ITGAX: variants seen among roughly 807,000 people sequenced by gnomAD.
ITGAX encodes integrin alpha-X.
In ITGAX, 99 loss-of-function variants were observed where a neutral mutation model predicts 140.2. The ratio of observed to expected loss-of-function variants is 0.71; its 90% CI spans 0.60 to 0.83. The LOEUF is 0.83. Among genes scored for constraint, ITGAX ranks in the 40% least tolerant of loss-of-function variants. The pLI is 0.00. For synonymous variants in ITGAX, 631 were observed against 600.4 expected (o/e 1.05, Z -0.75); for missense variants, 1,444 against 1,482.0 (o/e 0.97, Z 0.42).
chr16:31,356,053 G>T, intron 2 of ITGAX, 55 bp downstream of exon 2: 1 of 1,281,786 alleles, frequency 7.8e-7, no homozygotes, highest in Non-Finnish European at 1.1e-6. Context: ...CCTGCTCAGG[G>T]CCCCATGCCC....
intron 5 of ITGAX, 31 bp from the exon 6 acceptor site, chr16:31,359,669 C>T (rs1449618592): frequency 6.2e-7 from 1 of 1,611,118 alleles, no homozygotes; most frequent in African/African-American, 1.3e-5. Flanking sequence ...AGGAGTGTCA[C>T]TTGGAGGACC....
rs548682497 is a variant in ITGAX at position 31,373,399 on chromosome 16, T to C, written c.2508+9T>C. 1.0e-5 allele frequency: 16 copies of C among 1,606,772 alleles called. No homozygotes were observed. Among genetic ancestry groups the C allele is most frequent in the Middle Eastern group, 2.0e-4 (1 of 4,972 alleles). On this transcript the variant is annotated intron_variant, in intron 20 of 29. Coordinates refer to ENST00000268296, the MANE Select transcript of ITGAX (RefSeq NM_000887.5). ...ACGTGGCAGAGGGCCAGGTGCACCC[T>C]CTGGGGAAGGAGGAGGAGGCAGGGC... is the stretch of plus-strand genomic sequence containing the variant.
In ITGAX at chr16:31,356,135, T is replaced by C; in HGVS notation, c.143+137T>C. ...GCGACTGCCCTGGCTAATGAAGATTTGCCTTGAAGGCAGGCACGGTCTCAC... is the reference window on the plus strand; with the variant it reads ...GCGACTGCCCTGGCTAATGAAGATTCGCCTTGAAGGCAGGCACGGTCTCAC... On this transcript the variant is annotated intron_variant, in intron 2 of 29. Transcript: ENST00000268296. 10 of 626,378 alleles carry C rather than the reference T, an allele frequency of 1.6e-5. No individual in the cohort carries two copies. The South Asian group carries it at 2.0e-4, about 13-fold the overall frequency. 38.8% of individuals were successfully genotyped at this position (626,378 alleles called of 1,614,324 possible).
intron 8 of ITGAX, 139 bp downstream of exon 8, chr16:31,360,602 C>A: frequency 2.6e-6 from 2 of 783,882 alleles, no homozygotes; most frequent in Non-Finnish European, 2.0e-6. Flanking sequence ...TCACTGCAGC[C>A]TTGAACTCCT....
chr16:31,379,696 C>T (rs540693007), intron 24 of ITGAX, 50 bp downstream of exon 24: 32 of 1,582,076 alleles, frequency 2.0e-5, no homozygotes, highest in South Asian at 1.1e-4. Flanking sequence ...GGCTGGGAGC[C>T]GGAGACTGGG....
At chr16:31,373,435 C>G (rs45465094) in intron 20 of ITGAX, 45 bp downstream of exon 20, 8 of 1,573,526 alleles carry the variant, frequency 5.1e-6, no homozygotes, top group Non-Finnish European at 6.9e-6. Flanking sequence ...TGGGCGTTAG[C>G]GTAGATTCCC....
intron 9 of ITGAX, 167 bp from the exon 10 acceptor site, chr16:31,361,669 G>A: frequency 1.2e-6 from 1 of 810,602 alleles, no homozygotes; most frequent in Non-Finnish European, 2.1e-6. Flanking sequence ...TGGAGCAGAG[G>A]GGGGCCCCGA....
intron 20 of ITGAX, among the ~76,000 whole-genome samples, chr16:31,376,291 G>A (rs2081018339): frequency 6.6e-6 from 1 of 152,132 alleles, no homozygotes; most frequent in African/African-American, 2.4e-5. Context: ...TACTTTGGAA[G>A]AAAGTTTGAC....
At position 31,357,029 on chromosome 16, in the gene ITGAX, A is replaced by T; in HGVS notation, c.248-2A>T. 1 of 1,607,086 alleles carries T rather than the reference A, an allele frequency of 6.2e-7. No individual in the cohort carries two copies. The highest frequency in any genetic ancestry group is 2.2e-5 in the East Asian group (1 of 44,818). ...TGACCATGCACATATCTGTCCCCAC[A>T]GTGCCCCCGGAGGCCGTGAACATGT... On this transcript the variant is annotated splice_acceptor_variant, in intron 3 of 29. Transcript: ENST00000268296. LOFTEE classifies it high-confidence loss of function.
chr16:31,361,170 A>T lies in ITGAX; in HGVS notation c.969A>T (p.Lys323Asn), dbSNP rs138870164. ...AAGTGGAGGACTTTGATGCTCTGAA[A>T]GATATTCAAAACCAACTGAAGGAGA... ...IFKVEDFDAL[K>N]DIQNQLKEKI... The change falls in exon 9 of 30, where the codon AAA becomes AAT. Residue 323 changes from lysine to asparagine, a missense_variant. Physicochemically the swap from Lys to Asn is moderately conservative, Grantham distance 94 (BLOSUM62 0). Coordinates refer to ENST00000268296, the MANE Select transcript of ITGAX (RefSeq NM_000887.5). The T allele has an allele frequency of 6.2e-7, 1 of 1,613,838 alleles. No homozygotes were observed. The highest frequency in any genetic ancestry group is 1.7e-5 in the Admixed American group (1 of 59,962).
intron 14 of ITGAX, 115 bp downstream of exon 14, chr16:31,363,489 A>C (rs747334760): frequency 1.2e-5 from 14 of 1,158,572 alleles, no homozygotes; most frequent in Non-Finnish European, 1.8e-5. Context: ...CCCAGCTCTG[A>C]GCACCTTGTA....
At position 31,372,684 on chromosome 16, in the gene ITGAX, C is replaced by T. The variant is rs1597078735; in HGVS notation, c.2366+14C>T. 6.2e-7 allele frequency: 1 copy of T among 1,612,042 alleles called. No individual in the cohort carries two copies. Among genetic ancestry groups the T allele is most frequent in the South Asian group, 1.1e-5 (1 of 90,922 alleles). On this transcript the variant is annotated intron_variant, in intron 19 of 29. Transcript: ENST00000268296. Reference sequence around the variant, plus strand: ...CAGCTTCCCAGGGTGAGCGCCCCCACCTTAGACCTGCCCTACTGCCCCAGC... The same window carrying T: ...CAGCTTCCCAGGGTGAGCGCCCCCATCTTAGACCTGCCCTACTGCCCCAGC...
intron 14 of ITGAX, among the ~76,000 whole-genome samples, chr16:31,364,651 C>T (rs570046744): frequency 1.3e-5 from 2 of 152,152 alleles, no homozygotes; most frequent in African/African-American, 4.8e-5. Context: ...ACCGGGCATC[C>T]TCCCCCATGC....
At chr16:31,358,825 T>C (rs1187222983) in intron 5 of ITGAX, among the ~76,000 whole-genome samples, 2 of 151,020 alleles carry the variant, frequency 1.3e-5, no homozygotes, top group Non-Finnish European at 3.0e-5. Context: ...TTTTTTTTTT[T>C]TCTTTTTTTT....
At chr16:31,371,053 A>T in intron 14 of ITGAX, 31 bp from the exon 15 acceptor site, 2 of 1,612,858 alleles carry the variant, frequency 1.2e-6, no homozygotes, top group Non-Finnish European at 8.5e-7. Context: ...CCTACTTTCC[A>T]TCTTGATTCA....
intron 17 of ITGAX, 23 bp from the exon 18 acceptor site, chr16:31,372,355 T>TC (rs758097244): frequency 1.3e-6 from 2 of 1,586,104 alleles, no homozygotes; most frequent in Non-Finnish European, 1.7e-6. Context: ...TACCCTCCGC[T>TC]CCCCGCGACG....
chr16:31,356,747 C>A lies in ITGAX; in HGVS notation c.247+19C>A. 6.5e-7 allele frequency: 1 copy of A among 1,542,904 alleles called. No individual in the cohort carries two copies. The highest frequency in any genetic ancestry group is 2.3e-5 in the East Asian group (1 of 42,754). On this transcript the variant is annotated intron_variant, in intron 3 of 29. Coordinates refer to ENST00000268296, the MANE Select transcript of ITGAX (RefSeq NM_000887.5). ...CTGCAGGGTGAGTCACCGCCCCTCC[C>A]GGGACCCAGGGCCGGGCTCCCAGGC...
chr16:31,356,824 A>G (rs1597059946), intron 3 of ITGAX, 96 bp downstream of exon 3: 1 of 971,740 alleles, frequency 1.0e-6, no homozygotes, highest in Non-Finnish European at 1.5e-6. Flanking sequence ...TTCAGCTTCC[A>G]CTGTGTCTGA....
At position 31,372,484 on chromosome 16, in the gene ITGAX, A is replaced by T. The variant is rs1011894358; in HGVS notation, c.2267A>T (p.Asp756Val). Residue 756 changes from aspartate (D) to valine (V), a missense_variant, in exon 18 of 30, where the codon GAT (aspartate) becomes GTT (valine). By Grantham distance (152) the Asp-to-Val change is radical. Coordinates refer to ENST00000268296, the MANE Select transcript of ITGAX (RefSeq NM_000887.5). ...FRNLRPMLAA[D>V]AQRYFTASLP... ...AACCTGCGGCCTATGCTGGCCGCCGATGCTCAGAGATACTTCACGGCCTCC... is the reference window on the plus strand; with the variant it reads ...AACCTGCGGCCTATGCTGGCCGCCGTTGCTCAGAGATACTTCACGGCCTCC... 1 of 1,607,460 alleles carries T rather than the reference A, an allele frequency of 6.2e-7. No individual in the cohort carries two copies. The highest frequency in any genetic ancestry group is 1.3e-5 in the African/African-American group (1 of 74,352).
Sources: allele counts gnomAD v4.1 joint callset (sites outside exome capture counted in the v4.1 genomes callset), GRCh38; gene constraint gnomAD v4.1.1; transcripts MANE v1.5; gene names NCBI Gene and HGNC (gene_info 2026-07-23, HGNC 2026-07-21).